Variants in MYO1D observed in about 807,000 individuals in gnomAD.
The protein encoded by MYO1D is unconventional myosin-Id.
MYO1D carries 83 observed loss-of-function variants against 122.0 expected under a neutral mutation model. The ratio of observed to expected loss-of-function variants is 0.68; its 90% CI spans 0.57 to 0.82. MYO1D has a LOEUF of 0.82. MYO1D is among the 40% of genes least tolerant of loss of function. The pLI, the probability that MYO1D is intolerant of heterozygous loss-of-function variation, is 0.00. For synonymous variants in MYO1D, 464 were observed against 446.9 expected, an observed-to-expected ratio of 1.04 and a Z score of -0.48; for missense variants, 1,157 against 1,269.5, an observed-to-expected ratio of 0.91 and a Z score of 1.35.
At chr17:32,662,203 C>T (rs1037106403) in intron 16 of MYO1D, among the ~76,000 whole-genome samples, 47 of 152,204 alleles carry the variant, frequency 3.1e-4, no homozygotes, top group African/African-American at 1.1e-3. Flanking sequence ...CACCGCCCCA[C>T]GCCCAGTAGC....
At chr17:32,668,123 C>G (rs2088661613) in intron 16 of MYO1D, among the ~76,000 whole-genome samples, 1 of 152,156 alleles carries the variant, frequency 6.6e-6, no homozygotes, top group African/African-American at 2.4e-5. Context: ...GTTTTGTTTT[C>G]TTAAAAGAGG....
At chr17:32,720,468 T>C (rs1011480326) in intron 15 of MYO1D, among the ~76,000 whole-genome samples, 1 of 152,044 alleles carries the variant, frequency 6.6e-6, no homozygotes, top group African/African-American at 2.4e-5. Context: ...AACTGAAAAA[T>C]GACAGAGCCA....
intron 21 of MYO1D, among the ~76,000 whole-genome samples, chr17:32,535,750 CAACAA>C (rs374439673): frequency 1.1e-4 from 16 of 151,420 alleles, no homozygotes; most frequent in South Asian, 2.1e-4. Context: ...GACTCCATCT[CAACAA>C]AACAAAACAA....
chr17:32,562,630 G>A (rs671197), intron 21 of MYO1D, among the ~76,000 whole-genome samples: 101,447 of 151,940 alleles, frequency 0.67, 35,614 homozygotes, highest in African/African-American at 0.9. Flanking sequence ...CTACAGGTGC[G>A]TGCCACCAGG....
chr17:32,514,383 G>A (rs1475519777), intron 21 of MYO1D, among the ~76,000 whole-genome samples: 7 of 151,708 alleles, frequency 4.6e-5, no homozygotes, highest in Admixed American at 2.0e-4. Context: ...GTAAGCCACC[G>A]CGGATGCCCA....
chr17:32,712,292 A>T (rs757146328), intron 15 of MYO1D, 97 bp from the exon 16 acceptor site: 123 of 1,056,422 alleles, frequency 1.2e-4, no homozygotes, highest in Non-Finnish European at 1.6e-4. Flanking sequence ...ATAGAAAACC[A>T]AATCTTAGCA....
At chr17:32,834,905 G>A (rs1235047052) in intron 1 of MYO1D, among the ~76,000 whole-genome samples, 1 of 152,144 alleles carries the variant, frequency 6.6e-6, no homozygotes, top group Non-Finnish European at 1.5e-5. Flanking sequence ...CCAGCTACTC[G>A]GGAGACTGGG....
chr17:32,640,955 C>A (rs1273289386), intron 19 of MYO1D, among the ~76,000 whole-genome samples: 1 of 151,256 alleles, frequency 6.6e-6, no homozygotes, highest in Non-Finnish European at 1.5e-5. Flanking sequence ...TAAAATTATA[C>A]TTTAAGTTCT....
At chr17:32,676,047 G>A (rs763607091) in intron 16 of MYO1D, among the ~76,000 whole-genome samples, 11 of 152,196 alleles carry the variant, frequency 7.2e-5, no homozygotes, top group Non-Finnish European at 1.2e-4. Context: ...TATTTCTGAT[G>A]TTTTCTCTTT....
At chr17:32,573,536 T>G (rs528739574) in intron 21 of MYO1D, among the ~76,000 whole-genome samples, 17 of 152,274 alleles carry the variant, frequency 1.1e-4, no homozygotes, top group African/African-American at 4.1e-4. Context: ...TTTTTTTTTT[T>G]TGAGGGAAGG....
At chr17:32,624,351 C>T (rs970532348) in intron 20 of MYO1D, among the ~76,000 whole-genome samples, 3 of 151,638 alleles carry the variant, frequency 2.0e-5, no homozygotes, top group African/African-American at 4.9e-5. Context: ...TGCGCCCGGC[C>T]GGCCTGGGGA....
chr17:32,708,088 T>C (rs2089330792), intron 16 of MYO1D, among the ~76,000 whole-genome samples: 1 of 152,174 alleles, frequency 6.6e-6, no homozygotes, highest in African/African-American at 2.4e-5. Context: ...TGTGAATCCT[T>C]CTAGTGAATC....
chr17:32,764,039 T>C (rs1278725988), intron 8 of MYO1D, among the ~76,000 whole-genome samples: 1 of 152,176 alleles, frequency 6.6e-6, no homozygotes, highest in Non-Finnish European at 1.5e-5. Flanking sequence ...TGCAGCATTG[T>C]TTGCAGTTGC....
chr17:32,870,532 T>C (rs2091169324), intron 1 of MYO1D, among the ~76,000 whole-genome samples: 2 of 150,678 alleles, frequency 1.3e-5, no homozygotes, highest in South Asian at 4.2e-4. Flanking sequence ...TTCTAATCTA[T>C]AACTCACTGC....
At chr17:32,789,544 G>A (rs926390107) in intron 1 of MYO1D, among the ~76,000 whole-genome samples, 5 of 152,204 alleles carry the variant, frequency 3.3e-5, no homozygotes, top group African/African-American at 9.7e-5. Context: ...ACTGTCATAA[G>A]TTGAACTGTA....
chr17:32,829,135 G>T (rs558340802), intron 1 of MYO1D, among the ~76,000 whole-genome samples: 1 of 152,314 alleles, frequency 6.6e-6, no homozygotes, highest in South Asian at 2.1e-4. Flanking sequence ...ATGAAATCTT[G>T]AAATAGTAGC....
intron 19 of MYO1D, among the ~76,000 whole-genome samples, chr17:32,641,216 G>A (rs2150941192): frequency 6.7e-6 from 1 of 149,136 alleles, no homozygotes; most frequent in Admixed American, 6.7e-5. Context: ...ATAGTTTGCT[G>A]AGAATGATGG....
At chr17:32,769,581 A>T (rs2090093667) in intron 6 of MYO1D, among the ~76,000 whole-genome samples, 1 of 152,026 alleles carries the variant, frequency 6.6e-6, no homozygotes, top group Non-Finnish European at 1.5e-5. Context: ...AAATTATTAT[A>T]TTAATTTATA....
intron 16 of MYO1D, among the ~76,000 whole-genome samples, chr17:32,690,248 T>C (rs956204866): frequency 6.6e-6 from 1 of 150,982 alleles, no homozygotes; most frequent in Non-Finnish European, 1.5e-5. Flanking sequence ...AGTGGCGCGA[T>C]CTTGGCTCAC....
Sources: allele counts gnomAD v4.1 joint callset (sites outside exome capture counted in the v4.1 genomes callset), GRCh38; gene constraint gnomAD v4.1.1; transcripts MANE v1.5; gene names NCBI Gene and HGNC (gene_info 2026-07-23, HGNC 2026-07-21).